SNX25: variants seen among roughly 807,000 people sequenced by gnomAD.
SNX25 encodes sorting nexin 25, also known as sorting nexin-25.
In SNX25, 62 loss-of-function variants were observed where a neutral mutation model predicts 113.7. That is an observed-to-expected ratio of 0.55 (90% CI 0.44 to 0.67). The LOEUF (loss-of-function observed/expected upper bound fraction) is 0.67, where lower values mean the gene tolerates loss of function less well. Among genes scored for constraint, SNX25 ranks in the 30% least tolerant of loss-of-function variants. SNX25 has a pLI of 0.00. For synonymous variants in SNX25, 421 were observed against 436.2 expected, an observed-to-expected ratio of 0.97 and a Z score of 0.43; for missense variants, 1,014 against 1,161.0, an observed-to-expected ratio of 0.87 and a Z score of 1.84.
At chr4:185,257,176 GAAAAAAA>G (rs11332633) in intron 2 of SNX25, among the ~76,000 whole-genome samples, 1 of 106,374 alleles carries the variant, frequency 9.4e-6, no homozygotes, top group Admixed American at 9.9e-5. Flanking sequence ...TTTGAAAAGT[GAAAAAAA>G]AAAAAAAAAA....
the SNX25 span, chr4:185,376,955 C>G: frequency 6.2e-7 from 1 of 1,613,972 alleles, no homozygotes; most frequent in South Asian, 1.1e-5. Context: ...CAGAGTGTCT[C>G]CTTTCAGTAT....
At chr4:185,215,560 T>G (rs928373860) in intron 1 of SNX25, among the ~76,000 whole-genome samples, 1 of 152,224 alleles carries the variant, frequency 6.6e-6, no homozygotes, top group Non-Finnish European at 1.5e-5. Context: ...GGAGACTATT[T>G]ACAGCCTCTT....
At chr4:185,326,148 C>T (rs911266502) in intron 9 of SNX25, among the ~76,000 whole-genome samples, 2 of 152,316 alleles carry the variant, frequency 1.3e-5, no homozygotes, top group Non-Finnish European at 2.9e-5. Flanking sequence ...TTGTTGAAAA[C>T]TGTCAGTAGC....
At chr4:185,258,688 G>A (rs189782555) in intron 2 of SNX25, among the ~76,000 whole-genome samples, 160 bp from the exon 3 acceptor site, 135 of 152,264 alleles carry the variant, frequency 8.9e-4, no homozygotes, top group South Asian at 2.3e-3. Flanking sequence ...AGAATCTTTC[G>A]TTTTAAAAGA....
chr4:185,323,635 A>G lies in SNX25; in HGVS notation c.1584A>G (p.Val528=), dbSNP rs748340775. The G allele has an allele frequency of 6.2e-7, 1 of 1,613,702 alleles. No individual in the cohort carries two copies. The highest frequency in any genetic ancestry group is 8.5e-7 in the Non-Finnish European group (1 of 1,179,754). Residue 528 remains valine, a synonymous_variant, in exon 9 of 19, where the codon GTA becomes GTG. Coordinates refer to ENST00000652585, the MANE Select transcript of SNX25 (RefSeq NM_001378034.2). ...ACAAAGAAATTCAGCAGTGTCTTGTAGGAAATAAAGGTATTGAAGTATTCT... is the reference window on the plus strand; with the variant it reads ...ACAAAGAAATTCAGCAGTGTCTTGTGGGAAATAAAGGTATTGAAGTATTCT... The part of the protein sequence containing the change: ...SLYKEIQQCL[V]GNKGIEVFYK...
chr4:185,220,598 C>G (rs950684380), intron 1 of SNX25, among the ~76,000 whole-genome samples: 1 of 151,886 alleles, frequency 6.6e-6, no homozygotes, highest in Non-Finnish European at 1.5e-5. Flanking sequence ...TCTCCTGCCT[C>G]AGCCTCCCAA....
intron 3 of SNX25, among the ~76,000 whole-genome samples, chr4:185,262,204 T>G (rs1747426586): frequency 6.6e-6 from 1 of 152,218 alleles, no homozygotes; most frequent in Admixed American, 6.5e-5. Context: ...GGCAATTGTT[T>G]GTGGAGGCAG....
intron 3 of SNX25, among the ~76,000 whole-genome samples, chr4:185,261,638 GC>G (rs1258282367): frequency 3.9e-5 from 6 of 152,242 alleles, no homozygotes; most frequent in Admixed American, 3.3e-4. Context: ...TGAAATTACT[GC>G]TTTTGTGGAT....
intron 16 of SNX25, among the ~76,000 whole-genome samples, chr4:185,359,877 C>T (rs1217814532): frequency 3.3e-5 from 5 of 152,168 alleles, no homozygotes; most frequent in African/African-American, 7.2e-5. Flanking sequence ...GGAGAAGAGG[C>T]ACATGTAGAG....
intron 1 of SNX25, among the ~76,000 whole-genome samples, chr4:185,238,628 A>ATATACT (rs1743017362): frequency 6.6e-6 from 1 of 152,300 alleles, no homozygotes; most frequent in South Asian, 2.1e-4. Context: ...AGACTCAGCC[A>ATATACT]TGGGACGGCT....
At chr4:185,282,359 G>C (rs1750729071) in intron 5 of SNX25, among the ~76,000 whole-genome samples, 1 of 152,090 alleles carries the variant, frequency 6.6e-6, no homozygotes, top group African/African-American at 2.4e-5. Flanking sequence ...AGTAAAGACA[G>C]AGTTTCACCA....
At chr4:185,366,345 A>G (rs2095388010), downstream of SNX25, 1 of 152,244 alleles carries the variant, frequency 6.6e-6, no homozygotes, top group African/African-American at 2.4e-5. Context: ...AAGCACAAAG[A>G]AACAATTTGC....
At chr4:185,212,491 G>GTGTGTGTTTTTTT (rs546083196) in intron 1 of SNX25, among the ~76,000 whole-genome samples, 1 of 104,946 alleles carries the variant, frequency 9.5e-6, no homozygotes, top group East Asian at 2.7e-4. Flanking sequence ...GTGTGTGTGT[G>GTGTGTGTTTTTTT]TTTTTTTTTT....
intron 2 of SNX25, among the ~76,000 whole-genome samples, chr4:185,255,885 C>T (rs1362220012): frequency 1.3e-5 from 2 of 152,218 alleles, no homozygotes; most frequent in Non-Finnish European, 2.9e-5. Flanking sequence ...ATAGGATCAA[C>T]CCATTCCTGT....
At chr4:185,319,749 A>AT (rs1465967228) in intron 7 of SNX25, among the ~76,000 whole-genome samples, 2 of 152,088 alleles carry the variant, frequency 1.3e-5, no homozygotes, top group African/African-American at 2.4e-5. Context: ...GGAAATTGGT[A>AT]TTTTTTCAGT....
intron 6 of SNX25, among the ~76,000 whole-genome samples, chr4:185,289,895 C>A (rs770683638): frequency 2.0e-5 from 3 of 152,144 alleles, no homozygotes; most frequent in Non-Finnish European, 2.9e-5. Context: ...GTGGTTTAAA[C>A]AACAGGAATT....
intron 15 of SNX25, among the ~76,000 whole-genome samples, chr4:185,357,402 ACT>A (rs1169700512): frequency 6.6e-6 from 1 of 152,092 alleles, no homozygotes; most frequent in Non-Finnish European, 1.5e-5. Flanking sequence ...CAGATGAAGC[ACT>A]CTTTCCGCTT....
At chr4:185,317,190 A>G (rs2095081204) in intron 7 of SNX25, among the ~76,000 whole-genome samples, 2 of 152,256 alleles carry the variant, frequency 1.3e-5, no homozygotes, top group Admixed American at 1.3e-4. Flanking sequence ...AAAAGAAGAC[A>G]TTTATGTGGC....
intron 1 of SNX25, among the ~76,000 whole-genome samples, chr4:185,222,616 A>G (rs1329991031): frequency 1.3e-5 from 2 of 152,178 alleles, no homozygotes; most frequent in African/African-American, 4.8e-5. Context: ...TTTTATACTC[A>G]TTTGGATGGC....
Sources: allele counts gnomAD v4.1 joint callset (sites outside exome capture counted in the v4.1 genomes callset), GRCh38; gene constraint gnomAD v4.1.1; transcripts MANE v1.5; gene names NCBI Gene and HGNC (gene_info 2026-07-23, HGNC 2026-07-21).